Variants in NR2C1 observed in about 807,000 individuals in gnomAD.
NR2C1 encodes the protein TR2 nuclear hormone receptor.
A neutral mutation model predicts 74.8 loss-of-function variants in NR2C1; 33 were observed. The observed-to-expected ratio is 0.44, with a 90% CI of 0.33 to 0.59. The LOEUF is 0.59. Among genes scored for constraint, NR2C1 ranks in the 20% least tolerant of loss-of-function variants. The pLI, the probability that NR2C1 is intolerant of heterozygous loss-of-function variation, is 0.02. For synonymous variants in NR2C1, 225 were observed against 240.6 expected, an observed-to-expected ratio of 0.94 and a Z score of 0.60; for missense variants, 568 against 715.6, an observed-to-expected ratio of 0.79 and a Z score of 2.35.
rs147442171 is a variant in NR2C1 at position 95,063,345 on chromosome 12, C to T, written c.55-607G>A. Among the ~76,000 whole-genome samples the T allele has an allele frequency of 6.2e-4, 95 of 152,194 alleles. 1 individual carries two copies. The highest frequency in any genetic ancestry group is 2.2e-3 in the African/African-American group (92 of 41,528). On this transcript the variant is annotated intron_variant, in intron 2 of 13. Coordinates refer to ENST00000333003, the MANE Select transcript of NR2C1 (RefSeq NM_003297.4). ...CAGGGCAGGAGGGAGGTGTTTGACA[C>T]ATGTGAGGCACAAGGCACAGCAATA...
chr12:95,062,638 G>A lies in NR2C1; in HGVS notation c.155C>T (p.Ser52Phe), dbSNP rs763892176. Reference protein sequence around the residue: ...KQFILTNHDGSTPSKVILARQ... With the variant: ...KQFILTNHDGFTPSKVILARQ... Reference sequence around the variant, plus strand: ...GGCCAGAATGACTTTGCTTGGAGTAGAGCCGTCGTGATTTGTCAGAATGAA... The same window carrying A: ...GGCCAGAATGACTTTGCTTGGAGTAAAGCCGTCGTGATTTGTCAGAATGAA... Residue 52 changes from serine (S) to phenylalanine (F), a missense_variant, in exon 3 of 14, where the codon TCT (serine) becomes TTT (phenylalanine). Around this residue, in one of 6 missense-constraint regions of NR2C1, gnomAD observed 128 missense variants for 118.9 expected, o/e 1.08. Coordinates refer to ENST00000333003, the MANE Select transcript of NR2C1 (RefSeq NM_003297.4). 1.3e-5 allele frequency: 21 copies of A among 1,614,084 alleles called. No homozygotes were observed. In the South Asian group the frequency reaches 2.3e-4, roughly 18 times the overall value.
intron 1 of NR2C1, among the ~76,000 whole-genome samples, chr12:95,071,976 G>T (rs182149359): frequency 1.3e-5 from 2 of 151,468 alleles, no homozygotes; most frequent in African/African-American, 4.8e-5. Context: ...TCGAACTCCC[G>T]ACTTCAGATG....
intron 12 of NR2C1, among the ~76,000 whole-genome samples, chr12:95,026,226 T>C (rs1159826053): frequency 6.7e-6 from 1 of 148,986 alleles, no homozygotes. Context: ...AAAAAAGGCA[T>C]TTTAAATCCA....
chr12:95,042,675 T>C (rs1195617350), intron 9 of NR2C1, among the ~76,000 whole-genome samples: 2 of 152,160 alleles, frequency 1.3e-5, no homozygotes, highest in East Asian at 1.9e-4. Context: ...TATTTATAAA[T>C]TGTACCAAGT....
chr12:95,022,492 C>T (rs1868875350), intron 13 of NR2C1, 89 bp from the exon 14 acceptor site: 2 of 1,025,542 alleles, frequency 2.0e-6, no homozygotes, highest in Non-Finnish European at 2.9e-6. Context: ...CTGCATGTGG[C>T]CTAATTTAAT....
chr12:95,021,574 G>A lies in NR2C1; in HGVS notation c.*655C>T, dbSNP rs1316958174. ...CAAAAACAATTTTCTGCTATATAAA[G>A]TGCTTGTAACTAATAATATACATTA... On this transcript the variant is annotated 3_prime_UTR_variant, in exon 14 of 14. Transcript: ENST00000333003. The A allele has an allele frequency of 1.3e-5, 2 of 152,072 alleles. No homozygotes were observed. Among genetic ancestry groups the A allele is most frequent in the East Asian group, 3.9e-4 (2 of 5,162 alleles). 9.4% of individuals were successfully genotyped at this position (152,072 alleles called of 1,614,324 possible). A position where few individuals can be genotyped will look rare whatever the true frequency, so the allele number is the denominator to read the frequency against.
chr12:95,071,427 C>A (rs1876594331), intron 1 of NR2C1, among the ~76,000 whole-genome samples: 2 of 152,052 alleles, frequency 1.3e-5, no homozygotes, highest in South Asian at 4.1e-4. Flanking sequence ...AAAACGGCAA[C>A]GAATTATATT....
chr12:95,072,309 C>A (rs1272478194), intron 1 of NR2C1, among the ~76,000 whole-genome samples: 1 of 150,664 alleles, frequency 6.6e-6, no homozygotes, highest in Admixed American at 6.6e-5. Context: ...AAAAAACTAG[C>A]TGGGTGTGGT....
chr12:95,024,508 C>G lies in NR2C1; in HGVS notation c.1637+642G>C, dbSNP rs549913203. ...TGGCTCTTATAAAAAAAGAATTTTT[C>G]TCAAAGAATATTGGTGAGAAATAGC... On this transcript the variant is annotated intron_variant, in intron 13 of 13. Coordinates refer to ENST00000333003, the MANE Select transcript of NR2C1 (RefSeq NM_003297.4). 6.6e-5 allele frequency among the ~76,000 whole-genome samples: 10 copies of G among 152,242 alleles called. No individual in the cohort carries two copies. In the South Asian group the frequency reaches 1.7e-3, roughly 25 times the overall value.
chr12:95,052,828 A>C (rs114220327), intron 7 of NR2C1, among the ~76,000 whole-genome samples: 3 of 152,184 alleles, frequency 2.0e-5, no homozygotes, highest in African/African-American at 7.2e-5. Context: ...ACTTCCTAGG[A>C]TGCCAACTTT....
At position 95,049,444 on chromosome 12, in the gene NR2C1, T is replaced by A. The variant is rs1872697856; in HGVS notation, c.966-211A>T. The A allele has an allele frequency of 2.9e-5, 12 of 412,696 alleles. 1 individual carries two copies. The highest frequency in any genetic ancestry group is 2.3e-4 in the South Asian group (3 of 13,166). 25.6% of individuals were successfully genotyped at this position (412,696 alleles called of 1,614,324 possible). ...TAAAGTCTCTTTTTAAAATCTTGCATAATTAAGGGGGAGAAGCATCTTCAT... is the reference window on the plus strand; with the variant it reads ...TAAAGTCTCTTTTTAAAATCTTGCAAAATTAAGGGGGAGAAGCATCTTCAT... On this transcript the variant is annotated intron_variant, in intron 8 of 13. Coordinates refer to ENST00000333003, the MANE Select transcript of NR2C1 (RefSeq NM_003297.4).
At chr12:95,068,235 C>G (rs1876027109) in intron 1 of NR2C1, among the ~76,000 whole-genome samples, 1 of 152,158 alleles carries the variant, frequency 6.6e-6, no homozygotes, top group South Asian at 2.1e-4. Flanking sequence ...TGTCTGTGTC[C>G]TCTTCATAGA....
In NR2C1 at chr12:95,071,844, G is replaced by C. The variant is rs201468040; in HGVS notation, c.-8+1536C>G. 2.0e-5 allele frequency among the ~76,000 whole-genome samples: 3 copies of C among 151,466 alleles called. No individual in the cohort carries two copies. The East Asian group carries it at 5.9e-4, about 30-fold the overall frequency. On this transcript the variant is annotated intron_variant, in intron 1 of 13. Transcript: ENST00000333003. The stretch of plus-strand genomic sequence containing the variant: ...GCTCACTGCAACCTCCGCCTCCCGG[G>C]TTCAAGCAATTCTCCTGCCTCGGCC...
At chr12:95,056,568 T>C (rs967093940) in intron 7 of NR2C1, among the ~76,000 whole-genome samples, 1 of 152,190 alleles carries the variant, frequency 6.6e-6, no homozygotes, top group African/African-American at 2.4e-5. Context: ...GAGCTAAGAA[T>C]TTCCTTTTAC....
intron 8 of NR2C1, among the ~76,000 whole-genome samples, chr12:95,050,868 G>A (rs562792233): frequency 3.0e-4 from 45 of 152,150 alleles, no homozygotes; most frequent in African/African-American, 1.1e-3. Context: ...ACTTAAAACT[G>A]TAGTTGATTA....
chr12:95,047,925 T>C (rs1309111525), intron 9 of NR2C1, among the ~76,000 whole-genome samples: 1 of 152,180 alleles, frequency 6.6e-6, no homozygotes, highest in Non-Finnish European at 1.5e-5. Context: ...TAAATTAGGT[T>C]GGTGAAAAAG....
chr12:95,030,445 G>A, intron 11 of NR2C1: 1 of 1,390,018 alleles, frequency 7.2e-7, no homozygotes, highest in South Asian at 2.0e-5. Flanking sequence ...TTATTGTAGA[G>A]GGACATGTTT....
At position 95,051,893 on chromosome 12, in the gene NR2C1, T is replaced by C. The variant is rs746808718; in HGVS notation, c.834A>G (p.Ser278=). 4 of 1,610,508 alleles carry C rather than the reference T, an allele frequency of 2.5e-6. No homozygotes were observed. Among genetic ancestry groups the C allele is most frequent in the South Asian group, 1.1e-5 (1 of 90,630 alleles). ...CTTTAGTTTTTCCAAGATTCGCTAA[T>C]GATGTAACCACATTGGCCAATGTAC... is the stretch of plus-strand genomic sequence containing the variant. ...DLSTLANVVT[S]LANLGKTKDL... Residue 278 remains serine, a synonymous_variant, in exon 8 of 14, where the codon TCA becomes TCG. Transcript: ENST00000333003.
chr12:95,025,117 T>C (rs1869198678), intron 13 of NR2C1, 33 bp downstream of exon 13: 1 of 993,466 alleles, frequency 1.0e-6, no homozygotes, highest in South Asian at 1.6e-5. Flanking sequence ...GTTTTTCAAT[T>C]ATTTTAATTA....
Sources: allele counts gnomAD v4.1 joint callset (sites outside exome capture counted in the v4.1 genomes callset), GRCh38; gene constraint gnomAD v4.1.1; regional missense constraint gnomAD v4.1.1; transcripts MANE v1.5; gene names NCBI Gene and HGNC (gene_info 2026-07-23, HGNC 2026-07-21).